The following SLC22A6 variants were observed in gnomAD, a reference collection of about 807,000 sequenced individuals.
The protein encoded by SLC22A6 is PAH transporter.
Under a neutral mutation model 56.7 loss-of-function variants are expected in SLC22A6, and 45 were observed. The ratio of observed to expected loss-of-function variants is 0.79; its 90% CI spans 0.63 to 1.02. SLC22A6 has a LOEUF of 1.02. Ranked by LOEUF, SLC22A6 falls within the 50% of genes least tolerant of loss-of-function variation. SLC22A6 has a pLI of 0.00. For missense variants in SLC22A6, 606 were observed against 713.8 expected (o/e 0.85, Z 1.72); for synonymous variants, 291 against 295.9 (o/e 0.98, Z 0.17).
chr11:62,976,699 G>T lies in SLC22A6; in HGVS notation c.*95C>A. Reference sequence around the variant, plus strand: ...TCCTGAACCACAACCCCCACACTTGGGTCACCATTTCCTCTTCCTCCTCCT... The same window carrying T: ...TCCTGAACCACAACCCCCACACTTGTGTCACCATTTCCTCTTCCTCCTCCT... On this transcript the variant is annotated 3_prime_UTR_variant, in exon 10 of 10. Transcript: ENST00000360421. The T allele has an allele frequency of 9.6e-7, 1 of 1,036,606 alleles. No individual in the cohort carries two copies. The highest frequency in any genetic ancestry group is 1.4e-6 in the Non-Finnish European group (1 of 703,092). The allele number at this position is 1,036,606 out of a possible 1,614,324, so 64.2% of individuals were successfully genotyped here.
chr11:62,980,386 G>A (rs1163989099), intron 6 of SLC22A6, among the ~76,000 whole-genome samples: 1 of 152,170 alleles, frequency 6.6e-6, no homozygotes, highest in Admixed American at 6.5e-5. Context: ...CCCAAAAAAC[G>A]AAGCTCAAGA....
rs2086291460 is a variant in SLC22A6 at position 62,984,307 on chromosome 11, G to GC, written c.369+14dup. ...TCCCATCTTGGCCCCTGGATGGGGA[G>GC]CCCCAGGTGCTCACCTCAGTCACGA... On this transcript the variant is annotated intron_variant, in intron 1 of 9. Transcript: ENST00000360421. 3 of 1,611,452 alleles carry GC rather than the reference G, an allele frequency of 1.9e-6. No homozygotes were observed. The highest frequency in any genetic ancestry group is 2.5e-6 in the Non-Finnish European group (3 of 1,179,674).
Position 62,976,638 on chromosome 11 carries a change from G to T in SLC22A6, c.*156C>A, listed in dbSNP as rs1041787229. 55 of 593,420 alleles carry T rather than the reference G, an allele frequency of 9.3e-5. 1 individual carries two copies. The Admixed American group carries it at 1.3e-3, about 14-fold the overall frequency. The allele number at this position is 593,420 out of a possible 1,614,324, so 36.8% of individuals were successfully genotyped here. On this transcript the variant is annotated 3_prime_UTR_variant, in exon 10 of 10. Transcript: ENST00000360421. ...CTTTTAATGATGTGGTTCTGGTGGG[G>T]TTTATAAAGGGAGGTGGACCCCTGG...
rs1484280665 is a variant in SLC22A6, at chr11:62,977,389, TG to T, written c.1362-3del. The T allele has an allele frequency of 1.9e-6, 3 of 1,607,126 alleles. No individual in the cohort carries two copies. The highest frequency in any genetic ancestry group is 2.5e-6 in the Non-Finnish European group (3 of 1,179,132). Reference sequence around the variant, plus strand: ...CTGCCCATTCCCATGCCTGTCTGCCTGCAGGGCCCGCAGCAGATGGGTGTTG... The same window carrying T: ...CTGCCCATTCCCATGCCTGTCTGCCTCAGGGCCCGCAGCAGATGGGTGTTG... On this transcript the variant is annotated splice_polypyrimidine_tract_variant and splice_region_variant and intron_variant, in intron 8 of 9. Coordinates refer to ENST00000360421, the MANE Select transcript of SLC22A6 (RefSeq NM_153276.3).
In SLC22A6 at chr11:62,977,180, C is replaced by A. The variant is rs1449192913; in HGVS notation, c.1565+4G>T. 5 of 1,614,164 alleles carry A rather than the reference C, an allele frequency of 3.1e-6. No homozygotes were observed. The highest frequency in any genetic ancestry group is 2.5e-6 in the Non-Finnish European group (3 of 1,180,044). On this transcript the variant is annotated splice_donor_region_variant and intron_variant, in intron 9 of 9. Coordinates refer to ENST00000360421, the MANE Select transcript of SLC22A6 (RefSeq NM_153276.3). ...TCCCTGCTTCTTTCTGAGTGGGGGC[C>A]CACCTGCTCTCCAGGTCCTGCACCG...
At chr11:62,982,629 C>T (rs1436476202) in intron 3 of SLC22A6, among the ~76,000 whole-genome samples, 2 of 152,222 alleles carry the variant, frequency 1.3e-5, no homozygotes, top group Non-Finnish European at 2.9e-5. Flanking sequence ...GGATTCCCTT[C>T]TGTGGTTGAG....
At position 62,981,974 on chromosome 11, in the gene SLC22A6, A is replaced by C. The variant is rs2086260880; in HGVS notation, c.665T>G (p.Val222Gly). Residue 222 changes from valine (V) to glycine (G), a missense_variant, in exon 4 of 10, where the codon GTG becomes GGG. Transcript: ENST00000360421. ...GTAGACATAGCCAATCAAGGTGCCC[A>C]CGCAGGCCCGTGTGTGAATGGGCAT... is the stretch of plus-strand genomic sequence containing the variant. ...EWMPIHTRAC[V>G]GTLIGYVYSL... 3 of 1,614,160 alleles carry C rather than the reference A, an allele frequency of 1.9e-6. No homozygotes were observed. Among genetic ancestry groups the C allele is most frequent in the Non-Finnish European group, 2.5e-6 (3 of 1,179,992 alleles).
Position 62,976,741 on chromosome 11 carries a change from G to T in SLC22A6, c.*53C>A. ...CCTCCTCCTTGTGTGGGTGGCCGGA[G>T]ACCTGTAGGACCTTCCCTCCCTTTA... On this transcript the variant is annotated 3_prime_UTR_variant, in exon 10 of 10. Coordinates refer to ENST00000360421, the MANE Select transcript of SLC22A6 (RefSeq NM_153276.3). The T allele has an allele frequency of 6.9e-7, 1 of 1,456,628 alleles. No homozygotes were observed. Among genetic ancestry groups the T allele is most frequent in the Non-Finnish European group, 9.4e-7 (1 of 1,058,286 alleles). 90.2% of individuals were successfully genotyped at this position (1,456,628 alleles called of 1,614,324 possible).
intron 6 of SLC22A6, among the ~76,000 whole-genome samples, chr11:62,980,740 G>A (rs1212205521): frequency 6.6e-6 from 1 of 152,248 alleles, no homozygotes; most frequent in Non-Finnish European, 1.5e-5. Context: ...CTGATGAGGT[G>A]TCTCCACATT....
intron 6 of SLC22A6, 152 bp downstream of exon 6, chr11:62,980,833 G>T (rs1201623995): frequency 4.8e-6 from 3 of 631,192 alleles, no homozygotes; most frequent in Admixed American, 3.0e-5. Context: ...GGGGGCATCT[G>T]GTTCCTAAGG....
chr11:62,978,166 T>A (rs2086211344), intron 8 of SLC22A6, among the ~76,000 whole-genome samples: 1 of 152,170 alleles, frequency 6.6e-6, no homozygotes, highest in Non-Finnish European at 1.5e-5. Context: ...TTCGGATTAT[T>A]GCTCTTTCAT....
At position 62,981,111 on chromosome 11, in the gene SLC22A6, C is replaced by T. The variant is rs761626832; in HGVS notation, c.922-11G>A. 14 of 1,610,234 alleles carry T rather than the reference C, an allele frequency of 8.7e-6. No individual in the cohort carries two copies. Among genetic ancestry groups the T allele is most frequent in the Middle Eastern group, 1.7e-4 (1 of 6,042 alleles). On this transcript the variant is annotated splice_polypyrimidine_tract_variant and intron_variant, in intron 5 of 9. Coordinates refer to ENST00000360421, the MANE Select transcript of SLC22A6 (RefSeq NM_153276.3). The stretch of plus-strand genomic sequence containing the variant: ...ACTGGCCCGGAGTACCTGCTGGGAC[C>T]GGCAGAGCTCAGGGCCCGGGATCCT...
rs1462004142 is a variant in SLC22A6 at position 62,976,657 on chromosome 11, C to T, written c.*137G>A. 4 of 654,096 alleles carry T rather than the reference C, an allele frequency of 6.1e-6. No homozygotes were observed. The highest frequency in any genetic ancestry group is 5.5e-5 in the African/African-American group (3 of 54,838). The allele number at this position is 654,096 out of a possible 1,614,324, so 40.5% of individuals were successfully genotyped here. On this transcript the variant is annotated 3_prime_UTR_variant, in exon 10 of 10. Transcript: ENST00000360421. Reference sequence around the variant, plus strand: ...GGTGGGGTTTATAAAGGGAGGTGGACCCCTGGGAAGATGCTTTCCTGAACC... The same window carrying T: ...GGTGGGGTTTATAAAGGGAGGTGGATCCCTGGGAAGATGCTTTCCTGAACC...
chr11:62,982,801 C>T (rs909700781), intron 3 of SLC22A6, among the ~76,000 whole-genome samples: 7 of 152,160 alleles, frequency 4.6e-5, no homozygotes, highest in East Asian at 3.9e-4. Context: ...GATGCTGCCT[C>T]ATCCTATGTT....
rs201208422 is a variant in SLC22A6, at chr11:62,983,979, C to T, written c.438G>A (p.Leu146=). Residue 146 remains leucine (L), a synonymous_variant, in exon 2 of 10, where the codon CTG becomes CTA. Coordinates refer to ENST00000360421, the MANE Select transcript of SLC22A6 (RefSeq NM_153276.3). This position sits in a 1 kb window ranked among gnomAD's most constrained non-coding sequence, Gnocchi z 4.5. Reference sequence around the variant, plus strand: ...GGTAGCCGAACACCATGGCTCCGAGCAGCACCCCCACCATGTACAAGGACT... The same window carrying T: ...GGTAGCCGAACACCATGGCTCCGAGTAGCACCCCCACCATGTACAAGGACT... ...LAQSLYMVGV[L]LGAMVFGYLA... 6.2e-7 allele frequency: 1 copy of T among 1,613,858 alleles called. No homozygotes were observed. Among genetic ancestry groups the T allele is most frequent in the Non-Finnish European group, 8.5e-7 (1 of 1,179,860 alleles).
Position 62,979,891 on chromosome 11 carries a change from G to A in SLC22A6, c.1095C>T (p.Val365=). 3.7e-6 allele frequency: 6 copies of A among 1,614,136 alleles called. No homozygotes were observed. Among genetic ancestry groups the A allele is most frequent in the Non-Finnish European group, 5.1e-6 (6 of 1,180,014 alleles). ...AGATCACCTGGATTAGGTAGATGCT[G>A]ACTCCAAAGCCCTGCAGGTCCATGA... ...GLVMDLQGFG[V]SIYLIQVIFG... The change falls in exon 7 of 10, where the codon GTC becomes GTT. Residue 365 remains valine (V), a synonymous_variant. Coordinates refer to ENST00000360421, the MANE Select transcript of SLC22A6 (RefSeq NM_153276.3).
chr11:62,980,621 T>G (rs752937413), intron 6 of SLC22A6, among the ~76,000 whole-genome samples: 2 of 152,250 alleles, frequency 1.3e-5, no homozygotes, highest in Non-Finnish European at 2.9e-5. Flanking sequence ...TGCCTGTGCC[T>G]GTGTTTCTGG....
In SLC22A6 at chr11:62,984,668, T is replaced by G. The variant is rs777512486; in HGVS notation, c.23A>C (p.Gln8Pro). ...GAAGCGGCCGACACCCCCCACCTGCTGCAGGAGGTCATTAAAGGCCATTGG... is the reference window on the plus strand; with the variant it reads ...GAAGCGGCCGACACCCCCCACCTGCGGCAGGAGGTCATTAAAGGCCATTGG... MAFNDLL[Q>P]QVGGVGRFQQ... Residue 8 changes from glutamine (Q) to proline (P), a missense_variant, in exon 1 of 10, where the codon CAG becomes CCG. By Grantham distance (76) the Gln-to-Pro change is moderately conservative (BLOSUM62 -1). Coordinates refer to ENST00000360421, the MANE Select transcript of SLC22A6 (RefSeq NM_153276.3). 6.2e-7 allele frequency: 1 copy of G among 1,613,444 alleles called. No homozygotes were observed. The highest frequency in any genetic ancestry group is 8.5e-7 in the Non-Finnish European group (1 of 1,179,908).
rs779973184 is a variant in SLC22A6 at position 62,981,045 on chromosome 11, G to A, written c.977C>T (p.Ala326Val). ...ELTMGKGQAS[A>V]MELLRCPTLR... ...GGTGGGGCAGCGCAGCAGCTCCATG[G>A]CCGATGCCTGGCCTTTGCCCATGGT... The change falls in exon 6 of 10, where the codon GCC becomes GTC. Residue 326 changes from alanine (A) to valine (V), a missense_variant. Transcript: ENST00000360421. 5 of 1,612,622 alleles carry A rather than the reference G, an allele frequency of 3.1e-6. No homozygotes were observed. Among genetic ancestry groups the A allele is most frequent in the Non-Finnish European group, 4.2e-6 (5 of 1,178,888 alleles).
Sources: gnomAD v4.1 joint callset for allele counts (sites outside exome capture counted in the v4.1 genomes callset) on GRCh38, gnomAD v4.1.1 for gene constraint, Gnocchi (gnomAD v3.1) non-coding constraint, MANE v1.5 for transcripts, NCBI Gene and HGNC (gene_info 2026-07-23, HGNC 2026-07-21) for gene names.